The following AGBL1 variants were observed in gnomAD, a reference collection of about 807,000 sequenced individuals.
The protein encoded by AGBL1 is AGBL carboxypeptidase 1, also known as cytosolic carboxypeptidase 4.
Under a neutral mutation model 118.9 loss-of-function variants are expected in AGBL1, and 130 were observed. That is an observed-to-expected ratio of 1.09 (90% confidence interval 0.95 to 1.26). AGBL1 has a LOEUF of 1.26. Among genes scored for constraint, AGBL1 ranks in the 50% most tolerant of loss-of-function variants. The pLI is 0.00. For synonymous variants in AGBL1, 555 were observed against 478.9 expected (o/e 1.16, Z -2.08); for missense variants, 1,584 against 1,298.1 (o/e 1.22, Z -3.38).
chr15:86,272,153 T>C (rs2079172632), intron 15 of AGBL1, among the ~76,000 whole-genome samples: 1 of 152,008 alleles, frequency 6.6e-6, no homozygotes, highest in Admixed American at 6.6e-5. Flanking sequence ...CATAAGTAAC[T>C]CCTCCCCATA....
At chr15:86,933,355 G>T (rs187246946) in intron 23 of AGBL1, among the ~76,000 whole-genome samples, 1 of 151,826 alleles carries the variant, frequency 6.6e-6, no homozygotes, top group Non-Finnish European at 1.5e-5. Flanking sequence ...AAACCAAAAG[G>T]CCACAAAATA....
chr15:86,584,402 GT>G (rs2084216701), intron 21 of AGBL1, among the ~76,000 whole-genome samples: 1 of 152,048 alleles, frequency 6.6e-6, no homozygotes, highest in Non-Finnish European at 1.5e-5. Flanking sequence ...TTTTCTGTAT[GT>G]GGCGATCCAG....
intron 20 of AGBL1, among the ~76,000 whole-genome samples, chr15:86,547,999 G>T (rs2083609252): frequency 6.6e-6 from 1 of 152,060 alleles, no homozygotes; most frequent in African/African-American, 2.4e-5. Flanking sequence ...TCTAAATTAG[G>T]ACATAATGAT....
intron 5 of AGBL1, among the ~76,000 whole-genome samples, chr15:86,210,513 CT>C (rs1353699772): frequency 6.6e-6 from 1 of 152,138 alleles, no homozygotes; most frequent in African/African-American, 2.4e-5. Context: ...TTGTTCGTCG[CT>C]TTTTACTCTT....
At chr15:86,708,797 G>A (rs2086501614) in intron 22 of AGBL1, among the ~76,000 whole-genome samples, 1 of 152,034 alleles carries the variant, frequency 6.6e-6, no homozygotes, top group South Asian at 2.1e-4. Flanking sequence ...CCCTAGGCCA[G>A]GCCCTCCTTG....
At chr15:86,663,425 A>G (rs2085582461) in intron 21 of AGBL1, among the ~76,000 whole-genome samples, 1 of 152,186 alleles carries the variant, frequency 6.6e-6, no homozygotes, top group African/African-American at 2.4e-5. Context: ...GAAACCATAG[A>G]GACCCAGGTC....
At chr15:86,606,659 A>T (rs2084581872) in intron 21 of AGBL1, among the ~76,000 whole-genome samples, 1 of 152,214 alleles carries the variant, frequency 6.6e-6, no homozygotes, top group Admixed American at 6.5e-5. Flanking sequence ...AAAGATAATT[A>T]ACAGGCTTTT....
chr15:86,433,484 A>G (rs974428081), intron 18 of AGBL1, among the ~76,000 whole-genome samples: 1 of 152,012 alleles, frequency 6.6e-6, no homozygotes, highest in Non-Finnish European at 1.5e-5. Context: ...TGAATGAAAT[A>G]TATCTGTCTA....
chr15:86,723,649 G>A (rs2086770941), intron 22 of AGBL1, among the ~76,000 whole-genome samples: 1 of 151,552 alleles, frequency 6.6e-6, no homozygotes, highest in Non-Finnish European at 1.5e-5. Flanking sequence ...AAAACTTAAA[G>A]TATAATAATA....
At chr15:86,518,961 C>G (rs1384507506) in intron 18 of AGBL1, among the ~76,000 whole-genome samples, 1 of 151,108 alleles carries the variant, frequency 6.6e-6, no homozygotes, top group Non-Finnish European at 1.5e-5. Context: ...TTATCTTAAA[C>G]TAGCTATTTA....
At chr15:86,379,429 C>G (rs1225896230) in intron 17 of AGBL1, among the ~76,000 whole-genome samples, 1 of 152,018 alleles carries the variant, frequency 6.6e-6, no homozygotes, top group Non-Finnish European at 1.5e-5. Flanking sequence ...CTCATTCAAA[C>G]TAGATATGGC....
chr15:86,647,146 T>G (rs2085294036), intron 21 of AGBL1, among the ~76,000 whole-genome samples: 1 of 152,168 alleles, frequency 6.6e-6, no homozygotes, highest in East Asian at 1.9e-4. Context: ...ATCAACCATA[T>G]TTGAGCTAGA....
intron 18 of AGBL1, among the ~76,000 whole-genome samples, chr15:86,407,712 A>G (rs1458620210): frequency 6.6e-6 from 1 of 152,174 alleles, no homozygotes; most frequent in Admixed American, 6.5e-5. Context: ...TCTTGAAAGA[A>G]TTACTGAAGC....
chr15:86,143,730 C>T lies in AGBL1; in HGVS notation c.147C>T (p.Ser49=), dbSNP rs1196620771. 3.1e-6 allele frequency: 5 copies of T among 1,613,858 alleles called. No homozygotes were observed. Among genetic ancestry groups the T allele is most frequent in the Non-Finnish European group, 4.2e-6 (5 of 1,179,770 alleles). Residue 49 remains serine, a synonymous_variant, in exon 3 of 23, where the codon AGC becomes AGT. Coordinates refer to ENST00000614907, the MANE Select transcript of AGBL1 (RefSeq NM_001386094.1). ...GTDRRIHYMI[S]KGGSEALLQT... ...ACCGGAGAATTCACTACATGATCAG[C>T]AAGGGTGGCAGTGAAGCTCTTCTGC...
At chr15:86,223,589 A>G (rs1008879835) in intron 5 of AGBL1, among the ~76,000 whole-genome samples, 17 of 152,168 alleles carry the variant, frequency 1.1e-4, no homozygotes, top group African/African-American at 4.1e-4. Flanking sequence ...ATAAGAGGAA[A>G]ACCGTTTGAA....
intron 22 of AGBL1, among the ~76,000 whole-genome samples, chr15:86,867,235 C>T (rs2079645863): frequency 6.6e-6 from 1 of 152,088 alleles, no homozygotes; most frequent in Non-Finnish European, 1.5e-5. Flanking sequence ...GTTTACTCAG[C>T]CCTCATTTTT....
chr15:86,917,362 T>C (rs2080436775), downstream of AGBL1, among the ~76,000 whole-genome samples: 1 of 152,180 alleles, frequency 6.6e-6, no homozygotes, highest in African/African-American at 2.4e-5. The surrounding 1 kb of genome is among the most constrained non-coding windows in gnomAD (Gnocchi z 4.8). Context: ...GGGGCCCAGC[T>C]TCCTCCTAGG....
chr15:86,488,968 T>G (rs932531897), intron 18 of AGBL1, among the ~76,000 whole-genome samples: 3 of 152,054 alleles, frequency 2.0e-5, no homozygotes, highest in Non-Finnish European at 4.4e-5. Context: ...ACTATCATTT[T>G]ATTGTGGATT....
At chr15:86,274,780 C>G (rs1445897279) in intron 15 of AGBL1, among the ~76,000 whole-genome samples, 1 of 152,188 alleles carries the variant, frequency 6.6e-6, no homozygotes, top group Admixed American at 6.5e-5. Context: ...GACATCGAGA[C>G]AGCCATGCCA....
Sources: allele counts gnomAD v4.1 joint callset (sites outside exome capture counted in the v4.1 genomes callset), GRCh38; gene constraint gnomAD v4.1.1; non-coding constraint Gnocchi (gnomAD v3.1); transcripts MANE v1.5; gene names NCBI Gene and HGNC (gene_info 2026-07-23, HGNC 2026-07-21).